AIMP2: variants seen among roughly 807,000 people sequenced by gnomAD.
The protein encoded by AIMP2 is aminoacyl tRNA synthetase complex interacting multifunctional protein 2, also known as aminoacyl tRNA synthase complex-interacting multifunctional protein 2.
A neutral mutation model predicts 23.4 loss-of-function variants in AIMP2; 20 were observed. That is an observed-to-expected ratio of 0.85 (90% CI 0.60 to 1.24). AIMP2 has a LOEUF of 1.24. AIMP2 is among the 50% of genes most tolerant of loss of function. The pLI is 0.00. For synonymous variants in AIMP2, 210 were observed against 170.4 expected (o/e 1.23, Z -1.81); for missense variants, 515 against 414.5 (o/e 1.24, Z -2.10).
intron 1 of AIMP2, among the ~76,000 whole-genome samples, chr7:6,010,052 G>A (rs1349885026): frequency 6.9e-6 from 1 of 145,866 alleles, no homozygotes; most frequent in Non-Finnish European, 1.5e-5. Flanking sequence ...CGCTTTGGGA[G>A]ACTGAGGCGG....
intron 3 of AIMP2, among the ~76,000 whole-genome samples, chr7:6,019,232 C>G (rs1460130968): frequency 6.6e-6 from 1 of 151,712 alleles, no homozygotes; most frequent in Non-Finnish European, 1.5e-5. Context: ...TCAAAAGTGA[C>G]CTCTTGGGAG....
intron 2 of AIMP2, chr7:6,016,899 G>A (rs3779110): frequency 0.057 from 9,135 of 159,330 alleles, 622 homozygotes; most frequent in East Asian, 0.34. Flanking sequence ...ATTATGACAG[G>A]CCCATCCCCC....
chr7:6,011,283 A>T (rs762281292), intron 1 of AIMP2, among the ~76,000 whole-genome samples: 3 of 152,188 alleles, frequency 2.0e-5, no homozygotes, highest in Non-Finnish European at 2.9e-5. Context: ...CTCACCGCTC[A>T]CCAGCAGGGT....
chr7:6,009,968 A>ATATATATATATATATATATATAT (rs1289301847), intron 1 of AIMP2, among the ~76,000 whole-genome samples: 1 of 36,688 alleles, frequency 2.7e-5, no homozygotes, highest in Non-Finnish European at 5.5e-5. Context: ...AAAAAAAAAA[A>ATATATATATATATATATATATAT]AAAAAAATAT....
intron 2 of AIMP2, among the ~76,000 whole-genome samples, chr7:6,015,920 G>C (rs1471498976): frequency 6.6e-6 from 1 of 152,210 alleles, no homozygotes; most frequent in East Asian, 1.9e-4. Flanking sequence ...GGTAGAGAAG[G>C]AGTGGAAGAG....
In AIMP2 at chr7:6,018,140, CT is replaced by C. The variant is rs1442033238; in HGVS notation, c.574+100del. 3.4e-4 allele frequency: 241 copies of C among 703,062 alleles called. 1 individual carries two copies. The African/African-American group carries it at 5.1e-3, about 15-fold the overall frequency. The allele number at this position is 703,062 out of a possible 1,614,324, so 43.6% of individuals were successfully genotyped here. Reference sequence around the variant, plus strand: ...AGTCCATTTACATGTGGATTTTTTTCTTTTTCTTTTTTTTTTTTTTTTTTGA... The same window carrying C: ...AGTCCATTTACATGTGGATTTTTTTCTTTTCTTTTTTTTTTTTTTTTTTGA... On this transcript the variant is annotated intron_variant, in intron 3 of 3. Transcript: ENST00000223029.
chr7:6,021,396 G>T (rs1019664253), intron 3 of AIMP2, among the ~76,000 whole-genome samples: 1 of 150,932 alleles, frequency 6.6e-6, no homozygotes, highest in Non-Finnish European at 1.5e-5. Flanking sequence ...GAGTCTGGAA[G>T]GATTACATCA....
chr7:6,019,384 C>G (rs1562730116), intron 3 of AIMP2, among the ~76,000 whole-genome samples: 1 of 149,672 alleles, frequency 6.7e-6, no homozygotes, highest in Admixed American at 6.8e-5. Flanking sequence ...ACTTGGGAGG[C>G]TGAGGCAGGA....
rs1166776475 is a variant in AIMP2 at position 6,009,466 on chromosome 7, T to A, written c.103T>A (p.Tyr35Asn). Residue 35 changes from tyrosine (Y) to asparagine (N), a missense_variant, in exon 1 of 4, where the codon TAC becomes AAC. Physicochemically the swap from Tyr to Asn is moderately radical, Grantham distance 143. Coordinates refer to ENST00000223029, the MANE Select transcript of AIMP2 (RefSeq NM_006303.4). Reference sequence around the variant, plus strand: ...GCTCCCCAACGTGCACGGCAGGAGCTACGGCCCAGCGCCGGGCGCTGGCCA... The same window carrying A: ...GCTCCCCAACGTGCACGGCAGGAGCAACGGCCCAGCGCCGGGCGCTGGCCA... Reference protein sequence around the residue: ...YRLPNVHGRSYGPAPGAGHVQ... With the variant: ...YRLPNVHGRSNGPAPGAGHVQ... The A allele has an allele frequency of 1.9e-6, 3 of 1,607,418 alleles. No homozygotes were observed. Among genetic ancestry groups the A allele is most frequent in the Non-Finnish European group, 2.5e-6 (3 of 1,178,200 alleles).
rs191012615 is a variant in AIMP2, at chr7:6,013,574, T to A, written c.136-1572T>A. On this transcript the variant is annotated intron_variant, in intron 1 of 3. Transcript: ENST00000223029. ...GCGCGCCCAGCCTTGAGTTTCTTTTTAAGTCTTTCCAGCTGCCATCTTAAA... is the reference window on the plus strand; with the variant it reads ...GCGCGCCCAGCCTTGAGTTTCTTTTAAAGTCTTTCCAGCTGCCATCTTAAA... 1.6e-4 allele frequency among the ~76,000 whole-genome samples: 24 copies of A among 152,216 alleles called. No homozygotes were observed. The East Asian group carries it at 3.3e-3, about 21-fold the overall frequency.
chr7:6,012,650 C>G (rs780409156), intron 1 of AIMP2: 66 of 350,652 alleles, frequency 1.9e-4, no homozygotes, highest in South Asian at 1.3e-3. Flanking sequence ...CACTGTCTCC[C>G]GGGTTCAAGC....
intron 1 of AIMP2, among the ~76,000 whole-genome samples, chr7:6,009,974 A>AAAAAAATATATATATATATAT: frequency 3.7e-5 from 1 of 26,670 alleles, no homozygotes; most frequent in East Asian, 3.7e-3. Context: ...AAAAAAAAAA[A>AAAAAAATATATATATATATAT]ATATATATAT....
At chr7:6,017,773 C>G (rs925579401) in intron 2 of AIMP2, 41 bp from the exon 3 acceptor site, 8 of 1,564,348 alleles carry the variant, frequency 5.1e-6, no homozygotes, top group East Asian at 2.3e-5. Flanking sequence ...GTGGCACTCT[C>G]CGATGACTGT....
chr7:6,014,250 CTTTTTTTTTTT>C (rs57008315), intron 1 of AIMP2, among the ~76,000 whole-genome samples: 2 of 67,518 alleles, frequency 3.0e-5, no homozygotes, highest in South Asian at 1.5e-3. Context: ...TTTGTTGAAG[CTTTTTTTTTTT>C]TTTTTTTTTT....
chr7:6,015,256 A>T lies in AIMP2; in HGVS notation c.246A>T (p.Thr82=), dbSNP rs1161235761. ...AVDGLSKMIQ[T]PDADLDVTNI... ...ATGGCCTCTCCAAGATGATTCAAAC[A>T]CCAGATGCAGACTTGGATGTAACCA... Residue 82 remains threonine, a synonymous_variant, in exon 2 of 4, where the codon ACA becomes ACT. Transcript: ENST00000223029. 5 of 1,614,110 alleles carry T rather than the reference A, an allele frequency of 3.1e-6. No individual in the cohort carries two copies. Among genetic ancestry groups the T allele is most frequent in the Non-Finnish European group, 4.2e-6 (5 of 1,180,046 alleles).
At position 6,010,395 on chromosome 7, in the gene AIMP2, G is replaced by C. The variant is rs186582846; in HGVS notation, c.135+897G>C. ...TTTTTATGGTAATTATGTCTTGCTTGTCTCTATTATTTTGTCAACTATTTA... is the reference window on the plus strand; with the variant it reads ...TTTTTATGGTAATTATGTCTTGCTTCTCTCTATTATTTTGTCAACTATTTA... On this transcript the variant is annotated intron_variant, in intron 1 of 3. Transcript: ENST00000223029. 2.4e-3 allele frequency among the ~76,000 whole-genome samples: 367 copies of C among 151,254 alleles called. 3 individuals are homozygous for C. Among genetic ancestry groups the C allele is most frequent in the African/African-American group, 8.6e-3 (355 of 41,156 alleles).
intron 3 of AIMP2, chr7:6,022,388 G>C: frequency 6.6e-6 from 1 of 152,206 alleles, no homozygotes; most frequent in Non-Finnish European, 1.5e-5. Flanking sequence ...GAAGGAGTCA[G>C]AAGTTTTATG....
rs761028688 is a variant in AIMP2 at position 6,017,912 on chromosome 7, G to A, written c.441G>A (p.Arg147=). 3.7e-6 allele frequency: 6 copies of A among 1,614,020 alleles called. No individual in the cohort carries two copies. The African/African-American group carries it at 8.0e-5, about 22-fold the overall frequency. ...ACAGGCTGCTCTGTGAGCACTTCAG[G>A]GTCCTGTCCACGGTGCACACGCACT... The part of the protein sequence containing the change: ...VLHRLLCEHF[R]VLSTVHTHSS... Residue 147 remains arginine, a synonymous_variant, in exon 3 of 4, where the codon AGG becomes AGA. Transcript: ENST00000223029.
At chr7:6,009,974 A>AATATATACATATAT (rs1554310936) in intron 1 of AIMP2, among the ~76,000 whole-genome samples, 3 of 26,662 alleles carry the variant, frequency 1.1e-4, no homozygotes, top group Non-Finnish European at 6.8e-5. Context: ...AAAAAAAAAA[A>AATATATACATATAT]ATATATATAT....
Sources: gnomAD v4.1 joint callset for allele counts (sites outside exome capture counted in the v4.1 genomes callset) on GRCh38, gnomAD v4.1.1 for gene constraint, MANE v1.5 for transcripts, NCBI Gene and HGNC (gene_info 2026-07-23, HGNC 2026-07-21) for gene names.